Variants in METTL15 observed in about 807,000 individuals in gnomAD.
METTL15 encodes the protein 12S rRNA N(4)-cytidine methyltransferase METTL15.
Under a neutral mutation model 38.3 loss-of-function variants are expected in METTL15, and 34 were observed. That is an observed-to-expected ratio of 0.89 (90% CI 0.68 to 1.18). The LOEUF (loss-of-function observed/expected upper bound fraction) is 1.18, where lower values mean the gene tolerates loss of function less well. Among genes scored for constraint, METTL15 ranks in the 50% most tolerant of loss-of-function variants. The pLI is 0.00. For synonymous variants in METTL15, 162 were observed against 170.9 expected, an observed-to-expected ratio of 0.95 and a Z score of 0.41; for missense variants, 438 against 498.4, an observed-to-expected ratio of 0.88 and a Z score of 1.15.
At chr11:28,358,110 A>G (rs1321702065) in intron 4 of METTL15, among the ~76,000 whole-genome samples, 3 of 152,136 alleles carry the variant, frequency 2.0e-5, no homozygotes, top group Non-Finnish European at 2.9e-5. Flanking sequence ...TATTCTGTCT[A>G]CTGTTCTTAG....
At chr11:28,442,526 T>C (rs1405496387) in intron 6 of METTL15, among the ~76,000 whole-genome samples, 4 of 152,204 alleles carry the variant, frequency 2.6e-5, no homozygotes, top group East Asian at 1.9e-4. Flanking sequence ...TTAGCCAACT[T>C]TTTCAGTAAC....
At chr11:28,287,067 A>G (rs912045684) in intron 4 of METTL15, among the ~76,000 whole-genome samples, 7 of 151,126 alleles carry the variant, frequency 4.6e-5, no homozygotes, top group African/African-American at 1.7e-4. Flanking sequence ...ATGAGTGCAT[A>G]TATATGTACA....
chr11:28,382,779 G>A (rs1283226776), intron 5 of METTL15, among the ~76,000 whole-genome samples: 1 of 151,576 alleles, frequency 6.6e-6, no homozygotes, highest in East Asian at 1.9e-4. Context: ...AGGTTGCAGT[G>A]AGCCAAGATA....
chr11:28,220,319 G>C (rs529174645), intron 4 of METTL15, among the ~76,000 whole-genome samples: 84 of 152,062 alleles, frequency 5.5e-4, no homozygotes, highest in Non-Finnish European at 9.6e-4. Flanking sequence ...TATGTAATGG[G>C]CTTCTTTGTC....
At chr11:28,526,595 C>T (rs1216618716) in intron 7 of METTL15, 1 of 152,232 alleles carries the variant, frequency 6.6e-6, no homozygotes, top group Non-Finnish European at 1.5e-5. Flanking sequence ...TTTCAAGATT[C>T]TCTCTTTGTC....
At chr11:28,132,812 T>C (rs933221479) in intron 3 of METTL15, among the ~76,000 whole-genome samples, 3 of 152,224 alleles carry the variant, frequency 2.0e-5, no homozygotes, top group African/African-American at 7.2e-5. Context: ...CAAAATCTTC[T>C]ATTTTCCCCA....
chr11:28,343,731 A>T (rs185597259), intron 3 of METTL15, among the ~76,000 whole-genome samples: 1 of 152,362 alleles, frequency 6.6e-6, no homozygotes, highest in East Asian at 1.9e-4. Flanking sequence ...TGAAATGTAC[A>T]GAAATCAGGC....
At chr11:28,257,141 T>C (rs1368945011) in intron 4 of METTL15, among the ~76,000 whole-genome samples, 2 of 152,330 alleles carry the variant, frequency 1.3e-5, no homozygotes, top group South Asian at 2.1e-4. Context: ...GTATGAAGGA[T>C]ATTTTTACTG....
At position 28,442,411 on chromosome 11, in the gene METTL15, G is replaced by GT. The variant is rs111679339; in HGVS notation, c.*424+18058dup. Among the ~76,000 whole-genome samples the GT allele has an allele frequency of 4.5e-3, 659 of 147,806 alleles. 2 individuals carry two copies. The highest frequency in any genetic ancestry group is 0.011 in the Middle Eastern group (3 of 278). ...TGAAACTCTTTATGGTTTCGAAACA[G>GT]TTTTTTTTTTTCCTGATCATTAGCT... On this transcript the variant is annotated intron_variant and NMD_transcript_variant, in intron 6 of 7. Transcript: ENST00000532947.
chr11:28,419,181 G>T (rs1393778179), intron 5 of METTL15, among the ~76,000 whole-genome samples: 1 of 152,226 alleles, frequency 6.6e-6, no homozygotes, highest in East Asian at 1.9e-4. Flanking sequence ...CAAGTGTTGG[G>T]CAATACCCAG....
At chr11:28,522,090 A>G (rs2133512892) in intron 6 of METTL15, among the ~76,000 whole-genome samples, 1 of 152,352 alleles carries the variant, frequency 6.6e-6, no homozygotes, top group East Asian at 1.9e-4. Context: ...CTGAGCACAC[A>G]CAATAGGAAA....
intron 6 of METTL15, among the ~76,000 whole-genome samples, chr11:28,307,609 T>C (rs1260838709): frequency 2.6e-5 from 4 of 151,986 alleles, no homozygotes; most frequent in African/African-American, 7.2e-5. Flanking sequence ...TAAATCAGGC[T>C]AAATATGCCA....
At chr11:28,487,611 TA>T (rs1021524926) in intron 6 of METTL15, among the ~76,000 whole-genome samples, 1 of 152,084 alleles carries the variant, frequency 6.6e-6, no homozygotes, top group Non-Finnish European at 1.5e-5. Context: ...ATTTTTCTAA[TA>T]AAAAAGCTTA....
chr11:28,391,392 G>T (rs917450958), intron 5 of METTL15, among the ~76,000 whole-genome samples: 86 of 152,052 alleles, frequency 5.7e-4, no homozygotes, highest in African/African-American at 2.0e-3. Context: ...TTATTATTTT[G>T]AGATACGTCC....
chr11:28,205,230 A>G (rs1852277233), intron 3 of METTL15, among the ~76,000 whole-genome samples: 1 of 151,350 alleles, frequency 6.6e-6, no homozygotes, highest in Non-Finnish European at 1.5e-5. Context: ...AGTATTAGGT[A>G]TATCTCCTAA....
intron 3 of METTL15, chr11:28,197,543 C>T (rs1380915065): frequency 2.3e-6 from 1 of 442,982 alleles, no homozygotes; most frequent in Non-Finnish European, 4.7e-6. Flanking sequence ...AACTGAGGCT[C>T]AGAGAAGTTA....
intron 3 of METTL15, among the ~76,000 whole-genome samples, chr11:28,134,324 A>G (rs569227108): frequency 1.3e-5 from 2 of 152,232 alleles, no homozygotes; most frequent in South Asian, 2.1e-4. Flanking sequence ...CATATATACC[A>G]ATGGTCTGGG....
chr11:28,227,363 G>A (rs1185971671), intron 4 of METTL15, among the ~76,000 whole-genome samples: 1 of 151,800 alleles, frequency 6.6e-6, no homozygotes, highest in Non-Finnish European at 1.5e-5. Context: ...AGTAGCGTAT[G>A]ATCTCAGGAA....
chr11:28,120,584 C>T (rs756511968), intron 3 of METTL15, among the ~76,000 whole-genome samples: 9 of 151,896 alleles, frequency 5.9e-5, no homozygotes, highest in Non-Finnish European at 8.8e-5. Flanking sequence ...CCATGGGGTA[C>T]GTTCCTGATG....
Sources: allele counts gnomAD v4.1 joint callset (sites outside exome capture counted in the v4.1 genomes callset), GRCh38; gene constraint gnomAD v4.1.1; transcripts MANE v1.5; gene names NCBI Gene and HGNC (gene_info 2026-07-23, HGNC 2026-07-21).